DEUP1: variants seen among roughly 807,000 people sequenced by gnomAD.
The protein encoded by DEUP1 is deuterosome assembly protein 1.
In DEUP1, 82 loss-of-function variants were observed where a neutral mutation model predicts 87.4. The ratio of observed to expected loss-of-function variants is 0.94; its 90% CI spans 0.78 to 1.13. The LOEUF (loss-of-function observed/expected upper bound fraction) is 1.13. Among genes scored for constraint, DEUP1 ranks in the 50% most tolerant of loss-of-function variants. DEUP1 has a pLI of 0.00. For missense variants in DEUP1, 663 were observed against 681.5 expected (o/e 0.97, Z 0.30); for synonymous variants, 214 against 222.7 (o/e 0.96, Z 0.35).
At position 93,370,205 on chromosome 11, in the gene DEUP1, T is replaced by C. The variant is rs866191778; in HGVS notation, c.546+19T>C. The C allele has an allele frequency of 4.9e-6, 6 of 1,235,476 alleles. 1 individual carries two copies. The Middle Eastern group carries it at 9.7e-4, about 200-fold the overall frequency. The allele number at this position is 1,235,476 out of a possible 1,614,324, so 76.5% of individuals were successfully genotyped here. On this transcript the variant is annotated intron_variant, in intron 6 of 13. Transcript: ENST00000298050. ...GTTTCAGGTAAGTTATCTAATACTA[T>C]TCTCTAAATCAAAAGCAGAAGTTAA...
In DEUP1 at chr11:93,385,430, T is replaced by C. The variant is rs1256433978; in HGVS notation, c.822T>C (p.Ser274=). ...AMEAGLSEVK[S]ELQSRDDLLR... Reference sequence around the variant, plus strand: ...AAGCAGGTCTCTCAGAGGTAAAAAGTGAGTTACAGTCACGTGATGATCTCT... The same window carrying C: ...AAGCAGGTCTCTCAGAGGTAAAAAGCGAGTTACAGTCACGTGATGATCTCT... Residue 274 remains serine, a synonymous_variant, in exon 8 of 14, where the codon AGT becomes AGC. Transcript: ENST00000298050. 1 of 1,612,652 alleles carries C rather than the reference T, an allele frequency of 6.2e-7. No homozygotes were observed. Among genetic ancestry groups the C allele is most frequent in the Admixed American group, 1.7e-5 (1 of 59,784 alleles).
chr11:93,415,764 A>G (rs1947599824), intron 13 of DEUP1, among the ~76,000 whole-genome samples: 1 of 151,792 alleles, frequency 6.6e-6, no homozygotes, highest in African/African-American at 2.4e-5. Context: ...TCTTTTTCTC[A>G]ACCTTGTTTT....
intron 7 of DEUP1, among the ~76,000 whole-genome samples, chr11:93,378,977 T>C (rs1052873153): frequency 6.6e-6 from 1 of 152,212 alleles, no homozygotes; most frequent in Non-Finnish European, 1.5e-5. Flanking sequence ...TTGGATTTGA[T>C]CCATACAAAT....
chr11:93,367,399 C>G (rs1945474992), intron 5 of DEUP1, among the ~76,000 whole-genome samples: 2 of 152,164 alleles, frequency 1.3e-5, no homozygotes, highest in Admixed American at 1.3e-4. Context: ...CATTGCCAAT[C>G]CAGTCATTTC....
chr11:93,429,402 C>T lies in DEUP1; in HGVS notation c.1639-8141C>T, dbSNP rs547590271. 4.6e-5 allele frequency among the ~76,000 whole-genome samples: 7 copies of T among 152,234 alleles called. No homozygotes were observed. In the South Asian group the frequency reaches 1.5e-3, roughly 32 times the overall value. On this transcript the variant is annotated intron_variant, in intron 13 of 13. Coordinates refer to ENST00000298050, the MANE Select transcript of DEUP1 (RefSeq NM_181645.4). ...TTCTGCATCAATAAAACTTTGATCACTAAGGACTTAAAGTAAGCACATATT... is the reference window on the plus strand; with the variant it reads ...TTCTGCATCAATAAAACTTTGATCATTAAGGACTTAAAGTAAGCACATATT...
intron 13 of DEUP1, among the ~76,000 whole-genome samples, chr11:93,427,238 C>T (rs1947950489): frequency 1.3e-5 from 2 of 150,810 alleles, no homozygotes; most frequent in African/African-American, 2.4e-5. Flanking sequence ...TACAAGGCTA[C>T]AGTAACCAAA....
intron 1 of DEUP1, among the ~76,000 whole-genome samples, chr11:93,331,287 G>T (rs1304968889): frequency 6.6e-6 from 1 of 152,026 alleles, no homozygotes; most frequent in Non-Finnish European, 1.5e-5. Flanking sequence ...TGATTCGGAG[G>T]AGTTGAAGTC....
At position 93,343,494 on chromosome 11, in the gene DEUP1, A is replaced by G. The variant is rs1944180464; in HGVS notation, c.29+11206A>G. On this transcript the variant is annotated intron_variant, in intron 2 of 13. Transcript: ENST00000298050. ...GTACATAAGTTTATGAGGAGAGTGA[A>G]GCTATTTGTATTTTTAGAAAAATAT... 3.3e-5 allele frequency among the ~76,000 whole-genome samples: 5 copies of G among 152,310 alleles called. No homozygotes were observed. In the South Asian group the frequency reaches 1.0e-3, roughly 32 times the overall value.
At chr11:93,390,535 ACT>A (rs1336439558) in intron 9 of DEUP1, among the ~76,000 whole-genome samples, 1 of 151,712 alleles carries the variant, frequency 6.6e-6, no homozygotes, top group Non-Finnish European at 1.5e-5. Context: ...ACTTTGAAAA[ACT>A]CTTTTTTACT....
At chr11:93,399,860 A>T in intron 11 of DEUP1, among the ~76,000 whole-genome samples, 1 of 151,968 alleles carries the variant, frequency 6.6e-6, no homozygotes, top group South Asian at 2.1e-4. Context: ...CTCCAAGAAA[A>T]TGTTAAATAA....
At chr11:93,348,841 T>G (rs1015197791) in intron 2 of DEUP1, among the ~76,000 whole-genome samples, 3 of 152,202 alleles carry the variant, frequency 2.0e-5, no homozygotes, top group Admixed American at 6.5e-5. Context: ...CTGGTTTGGC[T>G]AACAAGTCAT....
At chr11:93,408,793 AC>A (rs766193842) in intron 12 of DEUP1, among the ~76,000 whole-genome samples, 3 of 152,274 alleles carry the variant, frequency 2.0e-5, no homozygotes, top group Non-Finnish European at 4.4e-5. Flanking sequence ...GGAACATGTC[AC>A]TTTTCACCTA....
Position 93,411,025 on chromosome 11 carries a change from T to C in DEUP1, c.1523+2598T>C, listed in dbSNP as rs374803077. ...GACCTGTTTTTTAAAAGAAACAGTA[T>C]TTCAAATGTTCTGAATAAATTATTA... is the stretch of plus-strand genomic sequence containing the variant. On this transcript the variant is annotated intron_variant, in intron 12 of 13. Coordinates refer to ENST00000298050, the MANE Select transcript of DEUP1 (RefSeq NM_181645.4). 16 of 152,324 alleles carry C rather than the reference T, an allele frequency of 1.1e-4. No homozygotes were observed. In the East Asian group the frequency reaches 3.1e-3, roughly 29 times the overall value. The allele number at this position is 152,324 out of a possible 1,614,324, so 9.4% of individuals were successfully genotyped here. A position where few individuals can be genotyped will look rare whatever the true frequency, so the allele number is the denominator to read the frequency against.
At chr11:93,377,548 T>C (rs1279959859) in intron 7 of DEUP1, among the ~76,000 whole-genome samples, 1 of 152,188 alleles carries the variant, frequency 6.6e-6, no homozygotes, top group African/African-American at 2.4e-5. Context: ...AGGTACTTGG[T>C]TGGTGAATTC....
chr11:93,365,370 T>C (rs892012111), intron 5 of DEUP1, among the ~76,000 whole-genome samples: 1 of 152,106 alleles, frequency 6.6e-6, no homozygotes, highest in African/African-American at 2.4e-5. Context: ...GTTGGCCCTC[T>C]AGGAAAATGC....
chr11:93,396,924 G>T (rs1482636565), intron 11 of DEUP1, among the ~76,000 whole-genome samples: 1 of 152,122 alleles, frequency 6.6e-6, no homozygotes, highest in Non-Finnish European at 1.5e-5. Flanking sequence ...TTTACACAAA[G>T]GAACTTAAAC....
chr11:93,437,509 T>C (rs1289376611), intron 13 of DEUP1, 34 bp from the exon 14 acceptor site: 2 of 1,551,736 alleles, frequency 1.3e-6, no homozygotes, highest in Non-Finnish European at 1.8e-6. Context: ...AAGCTCTGTA[T>C]TCCTCACTCA....
chr11:93,415,751 G>T (rs1357711416), intron 13 of DEUP1, among the ~76,000 whole-genome samples: 1 of 151,500 alleles, frequency 6.6e-6, no homozygotes, highest in African/African-American at 2.4e-5. Context: ...TTTGTTTCTG[G>T]CTTCTTTTTC....
chr11:93,346,729 T>G (rs965203130), intron 2 of DEUP1, among the ~76,000 whole-genome samples: 1 of 152,202 alleles, frequency 6.6e-6, no homozygotes, highest in African/African-American at 2.4e-5. Flanking sequence ...TGAGCAGTGT[T>G]TTGTAATTCT....
Sources: allele counts gnomAD v4.1 joint callset (sites outside exome capture counted in the v4.1 genomes callset), GRCh38; gene constraint gnomAD v4.1.1; transcripts MANE v1.5; gene names NCBI Gene and HGNC (gene_info 2026-07-23, HGNC 2026-07-21).